VPS39: variants seen among roughly 807,000 people sequenced by gnomAD.
VPS39 encodes the protein vam6/Vps39-like protein.
Under a neutral mutation model 121.0 loss-of-function variants are expected in VPS39, and 70 were observed. That is an observed-to-expected ratio of 0.58 (90% CI 0.48 to 0.71). The LOEUF (loss-of-function observed/expected upper bound fraction) is 0.71, where lower values mean the gene tolerates loss of function less well. Among genes scored for constraint, VPS39 ranks in the 30% least tolerant of loss-of-function variants. The pLI is 0.00. For synonymous variants in VPS39, 378 were observed against 398.1 expected, an observed-to-expected ratio of 0.95 and a Z score of 0.60; for missense variants, 818 against 1,051.5, an observed-to-expected ratio of 0.78 and a Z score of 3.07.
chr15:42,164,955 C>CT (rs1180144692), intron 18 of VPS39, 41 bp downstream of exon 18: 1 of 1,613,226 alleles, frequency 6.2e-7, no homozygotes. Context: ...GTGCTCTCCT[C>CT]TAAGGCCTGG....
chr15:42,192,767 TTTTTGTTTTG>T (rs922150473), intron 2 of VPS39, among the ~76,000 whole-genome samples: 2 of 150,010 alleles, frequency 1.3e-5, no homozygotes, highest in Non-Finnish European at 2.9e-5. Flanking sequence ...TTTTCTTATT[TTTTTGTTTTG>T]TTTTGTTTTG....
chr15:42,167,363 A>C lies in VPS39; in HGVS notation c.1377+31T>G. On this transcript the variant is annotated intron_variant, in intron 13 of 24. Coordinates refer to ENST00000318006, the MANE Select transcript of VPS39 (RefSeq NM_015289.5). ...TCCCAGACTGTCAGGGTAACTGGGA[A>C]TTGTGGCACCCGAGCGCTCAGGTAA... is the stretch of plus-strand genomic sequence containing the variant. 3 of 1,611,940 alleles carry C rather than the reference A, an allele frequency of 1.9e-6. No homozygotes were observed. In the South Asian group the frequency reaches 3.3e-5, roughly 18 times the overall value.
At chr15:42,170,102 C>G (rs1003035636) in intron 11 of VPS39, among the ~76,000 whole-genome samples, 3 of 151,648 alleles carry the variant, frequency 2.0e-5, no homozygotes, top group Non-Finnish European at 4.4e-5. Context: ...AATACACACA[C>G]ATAATTAGAA....
chr15:42,173,691 G>A, intron 11 of VPS39, 32 bp downstream of exon 11: 1 of 1,606,046 alleles, frequency 6.2e-7, no homozygotes, highest in Non-Finnish European at 8.5e-7. Context: ...TCCTCCATTA[G>A]TCCCTTATAT....
At chr15:42,187,072 T>A (rs1298665496) in intron 7 of VPS39, among the ~76,000 whole-genome samples, 199 bp downstream of exon 7, 3 of 152,198 alleles carry the variant, frequency 2.0e-5, no homozygotes, top group African/African-American at 7.2e-5. Flanking sequence ...AACTGAGCGT[T>A]GACTCTTGGA....
chr15:42,174,920 G>A (rs962069774), intron 10 of VPS39, among the ~76,000 whole-genome samples: 1 of 152,144 alleles, frequency 6.6e-6, no homozygotes, highest in African/African-American at 2.4e-5. Context: ...GTTGCAGTGA[G>A]CCAAGATCAC....
At position 42,208,224 on chromosome 15, in the gene VPS39, G is replaced by C; in HGVS notation, c.-71C>G. Reference sequence around the variant, plus strand: ...CGGGCCGGGCTGGGGTCCGGAACGAGTCTGGGCTAAGGGTAGACCGGGATC... The same window carrying C: ...CGGGCCGGGCTGGGGTCCGGAACGACTCTGGGCTAAGGGTAGACCGGGATC... On this transcript the variant is annotated 5_prime_UTR_variant, in exon 1 of 25. Transcript: ENST00000318006. 2 of 1,543,574 alleles carry C rather than the reference G, an allele frequency of 1.3e-6. No homozygotes were observed. The highest frequency in any genetic ancestry group is 1.4e-5 in the African/African-American group (1 of 73,056).
At chr15:42,165,555 C>A in intron 17 of VPS39, 163 bp downstream of exon 17, 1 of 570,948 alleles carries the variant, frequency 1.8e-6, no homozygotes, top group South Asian at 2.5e-5. Flanking sequence ...GCATTTCCAG[C>A]TTGGTCTACT....
intron 11 of VPS39, among the ~76,000 whole-genome samples, chr15:42,173,097 A>G (rs2049378646): frequency 6.6e-6 from 1 of 152,264 alleles, no homozygotes; most frequent in South Asian, 2.1e-4. Flanking sequence ...CAATACTAAT[A>G]ACATCAAACA....
intron 8 of VPS39, among the ~76,000 whole-genome samples, chr15:42,181,863 G>A (rs1858859815): frequency 6.6e-6 from 1 of 152,014 alleles, no homozygotes; most frequent in African/African-American, 2.4e-5. Context: ...CGTACAGCAC[G>A]ATGCCCAGCT....
chr15:42,207,120 G>A (rs1010741122), intron 1 of VPS39, among the ~76,000 whole-genome samples: 8 of 152,174 alleles, frequency 5.3e-5, no homozygotes, highest in Non-Finnish European at 8.8e-5. Context: ...AACTCTGCAA[G>A]GATGACTCGG....
Position 42,173,814 on chromosome 15 carries a change from T to C in VPS39, c.999A>G (p.Gln333=). The C allele has an allele frequency of 6.2e-7, 1 of 1,614,160 alleles. No homozygotes were observed. Among genetic ancestry groups the C allele is most frequent in the Non-Finnish European group, 8.5e-7 (1 of 1,180,004 alleles). ...KDDSDSEKQQ[Q]IHHIKNLYAF... Reference sequence around the variant, plus strand: ...CATACAAGTTCTTGATGTGATGAATTTGTTGCTGCTTTTCACTGTCAGAAT... The same window carrying C: ...CATACAAGTTCTTGATGTGATGAATCTGTTGCTGCTTTTCACTGTCAGAAT... The change falls in exon 11 of 25, where the codon CAA becomes CAG. Residue 333 remains glutamine (Q), a synonymous_variant. Transcript: ENST00000318006.
At chr15:42,172,232 C>T (rs1414533978) in intron 11 of VPS39, among the ~76,000 whole-genome samples, 1 of 152,156 alleles carries the variant, frequency 6.6e-6, no homozygotes, top group African/African-American at 2.4e-5. Context: ...CTTAAACACG[C>T]CTTCCGGAAA....
chr15:42,195,153 A>G (rs1186283055), intron 2 of VPS39, among the ~76,000 whole-genome samples: 1 of 152,160 alleles, frequency 6.6e-6, no homozygotes, highest in Non-Finnish European at 1.5e-5. Flanking sequence ...AAATAAGAGT[A>G]GACTGGGCTG....
intron 1 of VPS39, among the ~76,000 whole-genome samples, chr15:42,201,174 T>C (rs1470792826): frequency 6.6e-6 from 1 of 151,858 alleles, no homozygotes; most frequent in Non-Finnish European, 1.5e-5. Flanking sequence ...TGTACACTTT[T>C]TTTTAACTTT....
intron 17 of VPS39, 86 bp downstream of exon 17, chr15:42,165,632 C>T: frequency 1.8e-6 from 2 of 1,102,742 alleles, no homozygotes; most frequent in Non-Finnish European, 2.7e-6. Context: ...GACATAAATC[C>T]CAAATCTGAA....
chr15:42,173,464 G>A (rs2049385513), intron 11 of VPS39, among the ~76,000 whole-genome samples: 1 of 152,214 alleles, frequency 6.6e-6, no homozygotes, highest in South Asian at 2.1e-4. Flanking sequence ...ATGACTTTCT[G>A]CTACCTTTCT....
chr15:42,202,248 G>A (rs766325821), intron 1 of VPS39, among the ~76,000 whole-genome samples: 4 of 152,144 alleles, frequency 2.6e-5, no homozygotes, highest in Non-Finnish European at 5.9e-5. Flanking sequence ...TCTCCAGGAT[G>A]ATGTTCTTAG....
In VPS39 at chr15:42,164,694, A is replaced by C; in HGVS notation, c.1898-208T>G. The C allele has an allele frequency of 2.8e-6, 4 of 1,433,878 alleles. No individual in the cohort carries two copies. The East Asian group carries it at 1.0e-4, about 36-fold the overall frequency. The allele number at this position is 1,433,878 out of a possible 1,614,324, so 88.8% of individuals were successfully genotyped here. A position where few individuals can be genotyped will look rare whatever the true frequency, so the allele number is the denominator to read the frequency against. ...ACGGTTAAAAAAATAAGCTGAATAG[A>C]GAAATACTCTGTGGGCAAACCTGTT... is the stretch of plus-strand genomic sequence containing the variant. On this transcript the variant is annotated intron_variant, in intron 18 of 24. Coordinates refer to ENST00000318006, the MANE Select transcript of VPS39 (RefSeq NM_015289.5).
Sources: gnomAD v4.1 joint callset for allele counts (sites outside exome capture counted in the v4.1 genomes callset) on GRCh38, gnomAD v4.1.1 for gene constraint, MANE v1.5 for transcripts, NCBI Gene and HGNC (gene_info 2026-07-23, HGNC 2026-07-21) for gene names.